CCDC91: variants seen among roughly 807,000 people sequenced by gnomAD.
CCDC91 encodes coiled-coil domain containing 91, also known as coiled-coil domain-containing protein 91.
Under a neutral mutation model 63.2 loss-of-function variants are expected in CCDC91, and 48 were observed. The observed-to-expected ratio is 0.76, with a 90% confidence interval of 0.60 to 0.97. The LOEUF (loss-of-function observed/expected upper bound fraction) is 0.97. Ranked by LOEUF, CCDC91 falls within the 50% of genes least tolerant of loss-of-function variation. The probability of loss-of-function intolerance (pLI) is 0.00; values close to 1 mark genes in which losing one functional copy is unlikely to be tolerated. For synonymous variants in CCDC91, 167 were observed against 165.8 expected (o/e 1.01, Z -0.06); for missense variants, 500 against 494.6 (o/e 1.01, Z -0.10).
chr12:28,346,120 G>A (rs1168269609), intron 6 of CCDC91, among the ~76,000 whole-genome samples: 1 of 152,074 alleles, frequency 6.6e-6, no homozygotes, highest in Admixed American at 6.6e-5. Flanking sequence ...TCTCACAGGT[G>A]AATTTGTGGT....
intron 1 of CCDC91, among the ~76,000 whole-genome samples, chr12:28,226,518 T>C (rs1944283424): frequency 6.6e-6 from 1 of 152,186 alleles, no homozygotes; most frequent in Non-Finnish European, 1.5e-5. Context: ...TTTTCTGTGG[T>C]TTTATTCTTG....
At chr12:28,251,578 A>G (rs570734746) in intron 1 of CCDC91, among the ~76,000 whole-genome samples, 1 of 152,116 alleles carries the variant, frequency 6.6e-6, no homozygotes, top group South Asian at 2.1e-4. Flanking sequence ...AAATTGTAAT[A>G]AGGCTTGCTA....
Position 28,427,371 on chromosome 12 carries a change from A to G in CCDC91, c.763-22790A>G, listed in dbSNP as rs868153247. On this transcript the variant is annotated intron_variant, in intron 8 of 12. Transcript: ENST00000536442. The stretch of plus-strand genomic sequence containing the variant: ...TCTGGGCATATTTCATAATGGTTAC[A>G]CTTCTCTTCCCTTCGCCAGAACCAT... Among the ~76,000 whole-genome samples the G allele has an allele frequency of 2.0e-5, 3 of 152,186 alleles. No individual in the cohort carries two copies. In the South Asian group the frequency reaches 6.2e-4, roughly 32 times the overall value.
chr12:28,527,366 A>T (rs1039467425), intron 12 of CCDC91, among the ~76,000 whole-genome samples: 1 of 152,034 alleles, frequency 6.6e-6, no homozygotes, highest in Non-Finnish European at 1.5e-5. Flanking sequence ...AATGATTGTT[A>T]TCTCTCTTCT....
At position 28,224,861 on chromosome 12, in the gene CCDC91, C is replaced by T. The variant is rs771186279; in HGVS notation, c.-14-32341C>T. ...GGAATTGGCTAGCGCAGAATTACAA[C>T]GGTAAATAATCTGTGTAAATTTTCT... On this transcript the variant is annotated intron_variant, in intron 1 of 12. Coordinates refer to ENST00000536442, the MANE Select transcript of CCDC91 (RefSeq NM_018318.5). Among the ~76,000 whole-genome samples the T allele has an allele frequency of 4.6e-5, 7 of 152,074 alleles. No individual in the cohort carries two copies. In the East Asian group the frequency reaches 7.7e-4, roughly 17 times the overall value.
chr12:28,471,803 G>A (rs1950831027), intron 11 of CCDC91, among the ~76,000 whole-genome samples: 1 of 149,900 alleles, frequency 6.7e-6, no homozygotes. Context: ...AGACTGGAGT[G>A]CAGTGGTGCA....
chr12:28,365,900 T>A (rs1220311809), intron 7 of CCDC91, among the ~76,000 whole-genome samples: 1 of 152,216 alleles, frequency 6.6e-6, no homozygotes, highest in African/African-American at 2.4e-5. Context: ...CCTGGGGATC[T>A]TACGTCTTTC....
At chr12:28,345,267 TAC>T (rs1397287677) in intron 6 of CCDC91, among the ~76,000 whole-genome samples, 1 of 152,126 alleles carries the variant, frequency 6.6e-6, no homozygotes. Context: ...TGTGTATGTA[TAC>T]ATACATATAT....
At chr12:28,355,147 G>C (rs1397361324) in intron 6 of CCDC91, among the ~76,000 whole-genome samples, 2 of 150,914 alleles carry the variant, frequency 1.3e-5, no homozygotes, top group African/African-American at 4.9e-5. Flanking sequence ...AGTTAGTTTT[G>C]AGCATCTGCC....
chr12:28,360,379 A>G (rs1180842199), intron 6 of CCDC91, among the ~76,000 whole-genome samples: 1 of 152,098 alleles, frequency 6.6e-6, no homozygotes, highest in East Asian at 1.9e-4. Flanking sequence ...TTTCTCTCAG[A>G]GCTCCTTCAA....
intron 1 of CCDC91, among the ~76,000 whole-genome samples, chr12:28,201,998 G>A (rs925597154): frequency 5.9e-5 from 9 of 151,914 alleles, no homozygotes; most frequent in East Asian, 1.9e-4. Context: ...GCTTCGGCTC[G>A]GCATCGGGAG....
intron 12 of CCDC91, among the ~76,000 whole-genome samples, chr12:28,501,420 T>G (rs1464445886): frequency 6.6e-6 from 1 of 151,774 alleles, no homozygotes; most frequent in African/African-American, 2.4e-5. Context: ...GCATGAAGGG[T>G]TGTTGAATTT....
intron 6 of CCDC91, among the ~76,000 whole-genome samples, chr12:28,330,555 C>T (rs554014924): frequency 6.6e-6 from 1 of 151,258 alleles, no homozygotes; most frequent in Non-Finnish European, 1.5e-5. Context: ...TTCTTCCATT[C>T]TGTAGGTTGC....
At chr12:28,503,752 G>A (rs1031303367) in intron 12 of CCDC91, among the ~76,000 whole-genome samples, 14 of 152,224 alleles carry the variant, frequency 9.2e-5, no homozygotes, top group South Asian at 2.1e-4. Flanking sequence ...ATACTATGCA[G>A]CCATAAAAAA....
chr12:28,261,130 G>T (rs1464481487), intron 3 of CCDC91, among the ~76,000 whole-genome samples: 1 of 151,940 alleles, frequency 6.6e-6, no homozygotes, highest in Non-Finnish European at 1.5e-5. Context: ...GAGGTTTCAA[G>T]TCTTGGTTCT....
chr12:28,434,606 T>TG (rs1228781266), intron 8 of CCDC91, among the ~76,000 whole-genome samples: 5 of 131,986 alleles, frequency 3.8e-5, no homozygotes, highest in Admixed American at 7.3e-5. Flanking sequence ...TTTTTTTTTT[T>TG]TTTTTTTTTT....
At chr12:28,535,906 A>G (rs370197881) in intron 12 of CCDC91, among the ~76,000 whole-genome samples, 1 of 151,822 alleles carries the variant, frequency 6.6e-6, no homozygotes, top group Non-Finnish European at 1.5e-5. Flanking sequence ...GTGGGCGCCC[A>G]TAGTCCCAGC....
At chr12:28,223,501 G>A (rs1368137807) in intron 1 of CCDC91, among the ~76,000 whole-genome samples, 11 of 151,958 alleles carry the variant, frequency 7.2e-5, no homozygotes, top group Non-Finnish European at 1.6e-4. Flanking sequence ...TAGCGTTCTG[G>A]TGCAACTACC....
intron 8 of CCDC91, among the ~76,000 whole-genome samples, chr12:28,403,766 T>C (rs1234081174): frequency 6.6e-6 from 1 of 152,180 alleles, no homozygotes; most frequent in Non-Finnish European, 1.5e-5. Context: ...AATAATCTTT[T>C]AAAGACTTGG....
Sources: allele counts gnomAD v4.1 joint callset (sites outside exome capture counted in the v4.1 genomes callset), GRCh38; gene constraint gnomAD v4.1.1; transcripts MANE v1.5; gene names NCBI Gene and HGNC (gene_info 2026-07-23, HGNC 2026-07-21).